Variants in CROCC2 observed in about 807,000 individuals in gnomAD.
CROCC2 encodes the protein ciliary rootlet coiled-coil, rootletin family member 2, also known as ciliary rootlet coiled-coil protein 2.
Under a neutral mutation model 177.6 loss-of-function variants are expected in CROCC2, and 163 were observed. That is an observed-to-expected ratio of 0.92 (90% CI 0.81 to 1.05). CROCC2 has a LOEUF of 1.05. CROCC2 is among the 50% of genes least tolerant of loss of function. CROCC2 has a pLI of 0.00. For synonymous variants in CROCC2, 904 were observed against 787.3 expected (o/e 1.15, Z -2.48); for missense variants, 1,929 against 1,797.8 (o/e 1.07, Z -1.32).
chr2:240,935,530 A>G lies in CROCC2; in HGVS notation c.2111A>G (p.Glu704Gly). 7.4e-7 allele frequency: 1 copy of G among 1,347,074 alleles called. No individual in the cohort carries two copies. The highest frequency in any genetic ancestry group is 3.4e-5 in the Admixed American group (1 of 29,672). 83.4% of individuals were successfully genotyped at this position (1,347,074 alleles called of 1,614,324 possible). Residue 704 changes from glutamate (E) to glycine (G), a missense_variant, in exon 14 of 32, where the codon GAG becomes GGG. By Grantham distance (98) the Glu-to-Gly change is moderately conservative. This residue lies in a region of CROCC2 where 1,397 missense variants were observed against 1,239.9 expected (regional missense o/e 1.13). Coordinates refer to ENST00000690015, the MANE Select transcript of CROCC2 (RefSeq NM_001351305.2). ...CTGGAGCAGCGGCAGGAGCAGCTGG[A>G]GGGGCAGGCAGCCCTGCTGGGGCGA... The part of the protein sequence containing the change: ...GRLEQRQEQL[E>G]GQAALLGREK...
intron 7 of CROCC2, 23 bp downstream of exon 7, chr2:240,931,151 C>A (rs919205575): frequency 2.9e-6 from 2 of 700,938 alleles, no homozygotes; most frequent in Non-Finnish European, 5.3e-6. Context: ...GGCCAGCAAG[C>A]TTGCACAGGG....
At position 240,931,102 on chromosome 2, in the gene CROCC2, C is replaced by T. The variant is rs186368626; in HGVS notation, c.921C>T (p.Asp307=). The T allele has an allele frequency of 3.1e-5, 22 of 714,762 alleles. No homozygotes were observed. Among genetic ancestry groups the T allele is most frequent in the Non-Finnish European group, 4.7e-5 (18 of 383,682 alleles). The allele number at this position is 714,762 out of a possible 1,614,324, so 44.3% of individuals were successfully genotyped here. A position where few individuals can be genotyped will look rare whatever the true frequency, so the allele number is the denominator to read the frequency against. ...GEMLQLQGRW[D]AEKVALQARL... ...TGCTGCAGCTGCAGGGCCGCTGGGA[C>T]GCAGAGAAGGTGGCGCTCCAGGCCA... is the stretch of plus-strand genomic sequence containing the variant. The change falls in exon 7 of 32, where the codon GAC becomes GAT. Residue 307 remains aspartate, a synonymous_variant. Transcript: ENST00000690015.
At chr2:240,951,669 A>C (rs1044066315) in intron 18 of CROCC2, among the ~76,000 whole-genome samples, 7 of 151,662 alleles carry the variant, frequency 4.6e-5, no homozygotes, top group African/African-American at 7.3e-5. Flanking sequence ...GCTATCCACA[A>C]CCCATCTGAC....
Position 240,953,289 on chromosome 2 carries a change from C to A in CROCC2, c.2830-2570C>A, listed in dbSNP as rs1051960558. On this transcript the variant is annotated intron_variant, in intron 18 of 31. Transcript: ENST00000690015. This position sits in a 1 kb window ranked among gnomAD's most constrained non-coding sequence, Gnocchi z 4.0. ...AATTAGCTGGGTGTGGTGGTGGGTGCCTGTAATCCCCGCTACTCAGGAGGC... is the reference window on the plus strand; with the variant it reads ...AATTAGCTGGGTGTGGTGGTGGGTGACTGTAATCCCCGCTACTCAGGAGGC... Among the ~76,000 whole-genome samples the A allele has an allele frequency of 5.4e-4, 82 of 152,004 alleles. No homozygotes were observed. Among genetic ancestry groups the A allele is most frequent in the African/African-American group, 1.9e-3 (78 of 41,374 alleles).
Position 240,958,039 on chromosome 2 carries a change from G to C in CROCC2, c.2944-1262G>C, listed in dbSNP as rs2059604658. ...TGAGTCTCCCCCGGACTCGGTACCA[G>C]GCCTGCCAGCCAGCCGGCCTTCCTG... On this transcript the variant is annotated intron_variant, in intron 19 of 31. Transcript: ENST00000690015. The surrounding 1 kb of genome is among the most constrained non-coding windows in gnomAD (Gnocchi z 6.7). 2 of 985,404 alleles carry C rather than the reference G, an allele frequency of 2.0e-6. No individual in the cohort carries two copies. Among genetic ancestry groups the C allele is most frequent in the Non-Finnish European group, 1.2e-6 (1 of 829,922 alleles). 61.0% of individuals were successfully genotyped at this position (985,404 alleles called of 1,614,324 possible). A position where few individuals can be genotyped will look rare whatever the true frequency, so the allele number is the denominator to read the frequency against.
rs144488094 is a variant in CROCC2 at position 240,989,927 on chromosome 2, G to T, written c.4863+94G>T. ...CACCCAGTAGGGGTGACTTCTTGAAGTCCTCTAGCAACAGGGGCTCTCCAC... is the reference window on the plus strand; with the variant it reads ...CACCCAGTAGGGGTGACTTCTTGAATTCCTCTAGCAACAGGGGCTCTCCAC... On this transcript the variant is annotated intron_variant, in intron 30 of 31. Coordinates refer to ENST00000690015, the MANE Select transcript of CROCC2 (RefSeq NM_001351305.2). 2.9e-3 allele frequency: 3,628 copies of T among 1,247,766 alleles called. 9 individuals carry two copies. Among genetic ancestry groups the T allele is most frequent in the Admixed American group, 3.9e-3 (139 of 35,880 alleles). 77.3% of individuals were successfully genotyped at this position (1,247,766 alleles called of 1,614,324 possible). A position where few individuals can be genotyped will look rare whatever the true frequency, so the allele number is the denominator to read the frequency against.
chr2:240,936,714 G>A (rs1194464855), intron 14 of CROCC2, among the ~76,000 whole-genome samples: 2 of 152,218 alleles, frequency 1.3e-5, no homozygotes, highest in African/African-American at 4.8e-5. Context: ...CCCAGGTGAT[G>A]TGAATTCTCT....
intron 5 of CROCC2, among the ~76,000 whole-genome samples, chr2:240,926,351 G>C (rs1347067799): frequency 6.6e-6 from 1 of 152,236 alleles, no homozygotes; most frequent in Non-Finnish European, 1.5e-5. Flanking sequence ...TCAGGGCACA[G>C]AGCTCCAGGC....
chr2:240,915,801 T>C lies in CROCC2; in HGVS notation c.79-2925T>C, dbSNP rs76428058. 0.012 allele frequency among the ~76,000 whole-genome samples: 1,880 copies of C among 152,148 alleles called. 89 individuals carry two copies. The East Asian group carries it at 0.15, about 12-fold the overall frequency. On this transcript the variant is annotated intron_variant, in intron 1 of 31. Coordinates refer to ENST00000690015, the MANE Select transcript of CROCC2 (RefSeq NM_001351305.2). The stretch of plus-strand genomic sequence containing the variant: ...CTCCACTCAGGGGCTGTGACCTCCC[T>C]GGGGTCTTTAATGCAGGTTGAGCTG...
chr2:240,933,450 G>A lies in CROCC2; in HGVS notation c.1463+108G>A, dbSNP rs565831911. ...TCTAGAGCTGGAGGGGTTGCCAGCCGGGGAGGGGTCCTTGCCTTCTAGCAG... is the reference window on the plus strand; with the variant it reads ...TCTAGAGCTGGAGGGGTTGCCAGCCAGGGAGGGGTCCTTGCCTTCTAGCAG... On this transcript the variant is annotated intron_variant, in intron 10 of 31. Coordinates refer to ENST00000690015, the MANE Select transcript of CROCC2 (RefSeq NM_001351305.2). 67 of 1,238,604 alleles carry A rather than the reference G, an allele frequency of 5.4e-5. No homozygotes were observed. The Middle Eastern group carries it at 1.1e-3, about 21-fold the overall frequency. 76.7% of individuals were successfully genotyped at this position (1,238,604 alleles called of 1,614,324 possible).
chr2:240,920,098 T>G lies in CROCC2; in HGVS notation c.345T>G (p.Asp115Glu), dbSNP rs527689835. 9 of 708,654 alleles carry G rather than the reference T, an allele frequency of 1.3e-5. 1 individual carries two copies. The highest frequency in any genetic ancestry group is 2.0e-5 in the Admixed American group (1 of 49,292). 43.9% of individuals were successfully genotyped at this position (708,654 alleles called of 1,614,324 possible). The change falls in exon 3 of 32, where the codon GAT (aspartate) becomes GAG (glutamate). Residue 115 changes from aspartate to glutamate, a missense_variant. Physicochemically the swap from Asp to Glu is conservative, Grantham distance 45. This residue lies in a region of CROCC2 where 1,397 missense variants were observed against 1,239.9 expected (regional missense o/e 1.13). Coordinates refer to ENST00000690015, the MANE Select transcript of CROCC2 (RefSeq NM_001351305.2). ...DLLAQASAER[D>E]ELASRCRVVS... Reference sequence around the variant, plus strand: ...TGGCCCAGGCCAGCGCCGAGCGAGATGAGCTGGCCAGCAGGTGCCGTGTGG... The same window carrying G: ...TGGCCCAGGCCAGCGCCGAGCGAGAGGAGCTGGCCAGCAGGTGCCGTGTGG...
chr2:240,920,499 C>A (rs1456580070), intron 3 of CROCC2, among the ~76,000 whole-genome samples: 2 of 152,202 alleles, frequency 1.3e-5, no homozygotes, highest in Non-Finnish European at 2.9e-5. Context: ...CTCTGCCCAG[C>A]ACTGGCACAA....
intron 27 of CROCC2, among the ~76,000 whole-genome samples, chr2:240,977,052 C>T (rs2059771489): frequency 1.8e-5 from 1 of 54,082 alleles, no homozygotes; most frequent in Non-Finnish European, 3.4e-5. Flanking sequence ...CCTGCTCAAG[C>T]TCTGGGGTAG....
Position 240,935,338 on chromosome 2 carries a change from C to T in CROCC2, c.1939-20C>T. On this transcript the variant is annotated intron_variant, in intron 13 of 31. Coordinates refer to ENST00000690015, the MANE Select transcript of CROCC2 (RefSeq NM_001351305.2). ...GAGGATGGGGGGAGTGGATGCAGAG[C>T]CCCCGACACCTGGTGGCAGCTGGAG... is the stretch of plus-strand genomic sequence containing the variant. 3 of 1,349,994 alleles carry T rather than the reference C, an allele frequency of 2.2e-6. No individual in the cohort carries two copies. Among genetic ancestry groups the T allele is most frequent in the Non-Finnish European group, 2.9e-6 (3 of 1,044,914 alleles). The allele number at this position is 1,349,994 out of a possible 1,614,324, so 83.6% of individuals were successfully genotyped here.
intron 14 of CROCC2, among the ~76,000 whole-genome samples, chr2:240,942,481 C>T (rs2059500549): frequency 6.6e-6 from 1 of 151,960 alleles, no homozygotes; most frequent in Admixed American, 6.6e-5. Flanking sequence ...AGTAGTTTGG[C>T]CTTGTCTCCT....
intron 14 of CROCC2, among the ~76,000 whole-genome samples, chr2:240,940,766 A>C (rs1369378026): frequency 6.6e-6 from 1 of 152,160 alleles, no homozygotes; most frequent in Non-Finnish European, 1.5e-5. Flanking sequence ...AGTTGAAAGC[A>C]TTCACCCTGA....
chr2:240,949,308 C>T lies in CROCC2; in HGVS notation c.2482+211C>T. On this transcript the variant is annotated intron_variant, in intron 16 of 31. Coordinates refer to ENST00000690015, the MANE Select transcript of CROCC2 (RefSeq NM_001351305.2). This position sits in a 1 kb window ranked among gnomAD's most constrained non-coding sequence, Gnocchi z 4.5. ...CTGCCCAGGCTGCACCTGGTGCCAG[C>T]CTGAGGCTTAGAACTGGGCTCTGGC... 1.4e-6 allele frequency: 1 copy of T among 697,292 alleles called. No individual in the cohort carries two copies. The highest frequency in any genetic ancestry group is 1.8e-6 in the Non-Finnish European group (1 of 566,808). The allele number at this position is 697,292 out of a possible 1,614,324, so 43.2% of individuals were successfully genotyped here. A position where few individuals can be genotyped will look rare whatever the true frequency, so the allele number is the denominator to read the frequency against.
chr2:240,916,510 C>T (rs1183661588), intron 1 of CROCC2, among the ~76,000 whole-genome samples: 1 of 126,756 alleles, frequency 7.9e-6, no homozygotes, highest in African/African-American at 2.9e-5. Flanking sequence ...TCCCCGCTCC[C>T]CCCGTGTCCC....
In CROCC2 at chr2:240,935,475, C is replaced by T. The variant is rs1169821901; in HGVS notation, c.2056C>T (p.Arg686Cys). 3.0e-5 allele frequency: 41 copies of T among 1,365,812 alleles called. 1 individual carries two copies. The highest frequency in any genetic ancestry group is 6.5e-5 in the Admixed American group (2 of 30,882). The allele number at this position is 1,365,812 out of a possible 1,614,324, so 84.6% of individuals were successfully genotyped here. A position where few individuals can be genotyped will look rare whatever the true frequency, so the allele number is the denominator to read the frequency against. Residue 686 changes from arginine (R) to cysteine (C), a missense_variant, in exon 14 of 32, where the codon CGC becomes TGC. Transcript: ENST00000690015. ...EQQLALERAE[R>C]RGLQQACGRL... ...GCAGCTGGCGCTGGAGCGGGCAGAG[C>T]GCAGGGGCCTGCAGCAGGCCTGCGG...
Sources: allele counts gnomAD v4.1 joint callset (sites outside exome capture counted in the v4.1 genomes callset), GRCh38; gene constraint gnomAD v4.1.1; regional missense constraint gnomAD v4.1.1; non-coding constraint Gnocchi (gnomAD v3.1); transcripts MANE v1.5; gene names NCBI Gene and HGNC (gene_info 2026-07-23, HGNC 2026-07-21).